METAP1D: variants seen among roughly 807,000 people sequenced by gnomAD.
METAP1D encodes methionyl aminopeptidase type 1D, mitochondrial, also known as methionine aminopeptidase 1D, mitochondrial.
A neutral mutation model predicts 40.5 loss-of-function variants in METAP1D; 31 were observed. That is an observed-to-expected ratio of 0.77 (90% CI 0.58 to 1.03). METAP1D has a LOEUF of 1.03. Ranked by LOEUF, METAP1D falls within the 50% of genes least tolerant of loss-of-function variation. The pLI is 0.00. For missense variants in METAP1D, 411 were observed against 420.7 expected, an observed-to-expected ratio of 0.98 and a Z score of 0.20; for synonymous variants, 151 against 146.4, an observed-to-expected ratio of 1.03 and a Z score of -0.22.
intron 1 of METAP1D, among the ~76,000 whole-genome samples, chr2:172,015,249 TAA>T (rs1229449809): frequency 6.6e-6 from 1 of 151,998 alleles, no homozygotes; most frequent in Non-Finnish European, 1.5e-5. Flanking sequence ...TCGTCTCTGC[TAA>T]AAGTACAAAA....
At chr2:172,048,866 GGTTTTCAAGTAATGT>G (rs1402781348) in intron 1 of METAP1D, among the ~76,000 whole-genome samples, 1 of 152,104 alleles carries the variant, frequency 6.6e-6, no homozygotes, top group Non-Finnish European at 1.5e-5. Context: ...TGTTGGCTAA[GGTTTTCAAGTAATGT>G]GTTTTCAGAT....
chr2:172,026,107 T>C (rs957689108), intron 1 of METAP1D, among the ~76,000 whole-genome samples: 3 of 152,202 alleles, frequency 2.0e-5, no homozygotes, highest in Admixed American at 6.5e-5. Context: ...ACCAAACATA[T>C]TCCCATGTTG....
chr2:172,004,319 A>G (rs1478770824), intron 1 of METAP1D, among the ~76,000 whole-genome samples: 1 of 151,026 alleles, frequency 6.6e-6, no homozygotes, highest in Non-Finnish European at 1.5e-5. Context: ...TGCCAAACCA[A>G]CTTTTCTTTT....
chr2:172,051,323 CTG>C (rs2105458739), intron 1 of METAP1D, among the ~76,000 whole-genome samples: 1 of 152,150 alleles, frequency 6.6e-6, no homozygotes, highest in African/African-American at 2.4e-5. Flanking sequence ...GTTTATAGAT[CTG>C]TGTTTCTAGA....
rs1245321576 is a variant in METAP1D at position 172,017,273 on chromosome 2, C to CACACACAT, written c.40+17265_40+17266insCACACATA. 3.2e-4 allele frequency among the ~76,000 whole-genome samples: 47 copies of CACACACAT among 146,436 alleles called. 1 individual carries two copies. Among genetic ancestry groups the CACACACAT allele is most frequent in the African/African-American group, 5.8e-4 (23 of 39,616 alleles). Reference sequence around the variant, plus strand: ...ACACACACACACACACACACACACACATTTTATATATATACACATATATAA... The same window carrying CACACACAT: ...ACACACACACACACACACACACACACACACACATATTTTATATATATACACATATATAA... On this transcript the variant is annotated intron_variant, in intron 1 of 9. Coordinates refer to ENST00000315796, the MANE Select transcript of METAP1D (RefSeq NM_199227.3).
chr2:172,004,572 G>C (rs1688536780), intron 1 of METAP1D, among the ~76,000 whole-genome samples: 1 of 152,132 alleles, frequency 6.6e-6, no homozygotes, highest in African/African-American at 2.4e-5. Context: ...TGACGCACCT[G>C]CCTCGGCCTC....
chr2:172,041,731 TATATATATA>T (rs1689534836), intron 1 of METAP1D, among the ~76,000 whole-genome samples: 3 of 29,616 alleles, frequency 1.0e-4, no homozygotes, highest in African/African-American at 3.2e-4. Context: ...TTATTTTATA[TATATATATA>T]TATATATATA....
In METAP1D at chr2:172,080,617, A is replaced by G. The variant is rs1429332650; in HGVS notation, c.*211A>G. On this transcript the variant is annotated 3_prime_UTR_variant, in exon 10 of 10. Coordinates refer to ENST00000315796, the MANE Select transcript of METAP1D (RefSeq NM_199227.3). ...TGGGGTCGCGCGGCTTTGGAAAAAC[A>G]AATCCTGGCCCTGGACTCGGTTTCC... 2 of 613,592 alleles carry G rather than the reference A, an allele frequency of 3.3e-6. No individual in the cohort carries two copies. 38.0% of individuals were successfully genotyped at this position (613,592 alleles called of 1,614,324 possible). A position where few individuals can be genotyped will look rare whatever the true frequency, so the allele number is the denominator to read the frequency against.
At chr2:172,028,754 G>T (rs1229958849) in intron 1 of METAP1D, among the ~76,000 whole-genome samples, 1 of 152,124 alleles carries the variant, frequency 6.6e-6, no homozygotes, top group Non-Finnish European at 1.5e-5. Flanking sequence ...AGCTGTGATG[G>T]AAAATTAGTT....
At chr2:172,044,572 T>A (rs1689692410) in intron 1 of METAP1D, among the ~76,000 whole-genome samples, 1 of 129,124 alleles carries the variant, frequency 7.7e-6, no homozygotes. Flanking sequence ...TCCAGCTTGG[T>A]GATAGAGCGA....
Position 172,061,577 on chromosome 2 carries a change from C to CT in METAP1D, c.126dup (p.Arg43SerfsTer24), listed in dbSNP as rs866140195. ...CAAGCAGTCAACAAAGAAGAAATTT[C>CT]TTTTTTCGGAGACAAAGAGATATTT... On this transcript the variant is annotated frameshift_variant, in exon 2 of 10. Coordinates refer to ENST00000315796, the MANE Select transcript of METAP1D (RefSeq NM_199227.3). LOFTEE classifies it high-confidence loss of function. 38 of 1,613,820 alleles carry CT rather than the reference C, an allele frequency of 2.4e-5. No homozygotes were observed. Among genetic ancestry groups the CT allele is most frequent in the Non-Finnish European group, 2.8e-5 (33 of 1,179,944 alleles).
In METAP1D at chr2:172,042,990, C is replaced by T. The variant is rs189404748; in HGVS notation, c.41-18508C>T. ...GCGTACATGTGCATACATATGTGTG[C>T]GTGTGTACACATATATGTGTATGTG... On this transcript the variant is annotated intron_variant, in intron 1 of 9. Transcript: ENST00000315796. Among the ~76,000 whole-genome samples the T allele has an allele frequency of 5.3e-4, 61 of 115,904 alleles. 9 individuals carry two copies. The highest frequency in any genetic ancestry group is 1.5e-3 in the African/African-American group (56 of 36,524). The allele number at this position is 115,904 out of a possible 152,430, so 76.0% of individuals were successfully genotyped here.
chr2:172,042,929 ATGTGTATACACG>A (rs1559008405), intron 1 of METAP1D, among the ~76,000 whole-genome samples: 1 of 128,250 alleles, frequency 7.8e-6, no homozygotes, highest in Non-Finnish European at 1.8e-5. Context: ...ATATGCGTAC[ATGTGTATACACG>A]TATGCGTACC....
At chr2:172,036,484 A>G (rs528932284) in intron 1 of METAP1D, among the ~76,000 whole-genome samples, 8 of 149,098 alleles carry the variant, frequency 5.4e-5, no homozygotes, top group Admixed American at 1.3e-4. Context: ...TCCTGCCTCA[A>G]CCTCCCAAGT....
chr2:172,080,517 C>T lies in METAP1D; in HGVS notation c.*111C>T, dbSNP rs1690680307. Reference sequence around the variant, plus strand: ...AAATGACCGGTGGTGCGGTAACCTGCGTGGCTCCTGATAGCGTTTGGAAGA... The same window carrying T: ...AAATGACCGGTGGTGCGGTAACCTGTGTGGCTCCTGATAGCGTTTGGAAGA... On this transcript the variant is annotated 3_prime_UTR_variant, in exon 10 of 10. Coordinates refer to ENST00000315796, the MANE Select transcript of METAP1D (RefSeq NM_199227.3). 6 of 1,151,290 alleles carry T rather than the reference C, an allele frequency of 5.2e-6. No homozygotes were observed. Among genetic ancestry groups the T allele is most frequent in the South Asian group, 1.3e-5 (1 of 77,718 alleles). The allele number at this position is 1,151,290 out of a possible 1,614,324, so 71.3% of individuals were successfully genotyped here.
chr2:172,070,800 G>A (rs1690401827), intron 5 of METAP1D, 107 bp from the exon 6 acceptor site: 6 of 841,292 alleles, frequency 7.1e-6, no homozygotes, highest in Non-Finnish European at 1.0e-5. Flanking sequence ...AATAATTCTG[G>A]AAGGGTAAAA....
In METAP1D at chr2:172,051,506, G is replaced by A. The variant is rs536761695; in HGVS notation, c.41-9992G>A. On this transcript the variant is annotated intron_variant, in intron 1 of 9. Coordinates refer to ENST00000315796, the MANE Select transcript of METAP1D (RefSeq NM_199227.3). ...GTAAAACATTTCTGAACTTGTCATT[G>A]ATGTTATACTCTATCAGTTGCTATT... 3.3e-5 allele frequency among the ~76,000 whole-genome samples: 5 copies of A among 152,272 alleles called. No individual in the cohort carries two copies. The South Asian group carries it at 1.0e-3, about 32-fold the overall frequency.
chr2:172,077,928 C>A, intron 7 of METAP1D, 34 bp downstream of exon 7: 2 of 1,248,182 alleles, frequency 1.6e-6, no homozygotes, highest in South Asian at 1.2e-5. Flanking sequence ...GTTTCTTGAT[C>A]AGAGATCAAG....
At chr2:172,030,391 G>A (rs77963593) in intron 1 of METAP1D, among the ~76,000 whole-genome samples, 3 of 151,958 alleles carry the variant, frequency 2.0e-5, no homozygotes, top group Non-Finnish European at 2.9e-5. Context: ...CACACCTGGC[G>A]TAAGCCTACA....
Sources: gnomAD v4.1 joint callset for allele counts (sites outside exome capture counted in the v4.1 genomes callset) on GRCh38, gnomAD v4.1.1 for gene constraint, MANE v1.5 for transcripts, NCBI Gene and HGNC (gene_info 2026-07-23, HGNC 2026-07-21) for gene names.